The following GPC5 variants were observed in gnomAD, a reference collection of about 807,000 sequenced individuals.
The protein encoded by GPC5 is glypican-5.
A neutral mutation model predicts 53.9 loss-of-function variants in GPC5; 47 were observed. The ratio of observed to expected loss-of-function variants is 0.87; its 90% CI spans 0.69 to 1.11. The LOEUF (loss-of-function observed/expected upper bound fraction) is 1.11. Among genes scored for constraint, GPC5 ranks in the 50% most tolerant of loss-of-function variants. The probability of loss-of-function intolerance (pLI) is 0.00; values close to 1 mark genes in which losing one functional copy is unlikely to be tolerated. For synonymous variants in GPC5, 286 were observed against 263.3 expected, an observed-to-expected ratio of 1.09 and a Z score of -0.84; for missense variants, 748 against 713.1, an observed-to-expected ratio of 1.05 and a Z score of -0.56.
chr13:91,758,120 C>T (rs933641883), intron 5 of GPC5, among the ~76,000 whole-genome samples: 5 of 151,920 alleles, frequency 3.3e-5, no homozygotes, highest in Non-Finnish European at 7.4e-5. Context: ...GACTAGTGCT[C>T]TTTTTTCATT....
chr13:92,376,145 G>C (rs974343374), intron 7 of GPC5, among the ~76,000 whole-genome samples: 7 of 152,180 alleles, frequency 4.6e-5, no homozygotes, highest in African/African-American at 7.2e-5. Flanking sequence ...TGGAGTACTA[G>C]AGTTGAGCTG....
At chr13:92,528,336 G>GT (rs1409557499) in intron 7 of GPC5, among the ~76,000 whole-genome samples, 2 of 152,120 alleles carry the variant, frequency 1.3e-5, no homozygotes, top group African/African-American at 2.4e-5. Context: ...TTTGACTAAT[G>GT]TAAGTCATGC....
intron 7 of GPC5, among the ~76,000 whole-genome samples, chr13:92,740,355 TA>T (rs1889050900): frequency 6.6e-6 from 1 of 152,090 alleles, no homozygotes; most frequent in African/African-American, 2.4e-5. Flanking sequence ...AAATAAATAT[TA>T]AATAGCTGTT....
chr13:91,586,675 G>C (rs909278120), intron 2 of GPC5, among the ~76,000 whole-genome samples: 2 of 146,308 alleles, frequency 1.4e-5, no homozygotes, highest in African/African-American at 5.0e-5. Context: ...CTGCCCCCAT[G>C]ATCCAATCAC....
intron 5 of GPC5, among the ~76,000 whole-genome samples, chr13:91,767,686 C>T (rs2037550856): frequency 6.6e-6 from 1 of 152,140 alleles, no homozygotes; most frequent in African/African-American, 2.4e-5. Context: ...CAGTTTCTTG[C>T]CATGCTGACA....
intron 7 of GPC5, among the ~76,000 whole-genome samples, chr13:92,732,295 A>G (rs768633385): frequency 1.1e-4 from 17 of 151,572 alleles, no homozygotes; most frequent in Non-Finnish European, 2.4e-4. Flanking sequence ...CTATATATCC[A>G]TTATAAAATC....
At chr13:92,488,135 G>GT (rs771943457) in intron 7 of GPC5, among the ~76,000 whole-genome samples, 64 of 152,064 alleles carry the variant, frequency 4.2e-4, no homozygotes, top group Non-Finnish European at 6.9e-4. Context: ...GTGTGCGCGT[G>GT]TGTGTGTGTA....
intron 2 of GPC5, among the ~76,000 whole-genome samples, chr13:91,508,339 T>A (rs560126896): frequency 6.6e-6 from 1 of 152,300 alleles, no homozygotes; most frequent in African/African-American, 2.4e-5. Context: ...TGTGAAAACA[T>A]GTCTGGTAGA....
At chr13:91,602,982 A>C (rs957677965) in intron 2 of GPC5, among the ~76,000 whole-genome samples, 1 of 152,214 alleles carries the variant, frequency 6.6e-6, no homozygotes, top group Non-Finnish European at 1.5e-5. Context: ...ACCAATGTAC[A>C]TGAGGAATGA....
At chr13:91,423,270 T>A (rs890022237) in intron 1 of GPC5, among the ~76,000 whole-genome samples, 3 of 152,244 alleles carry the variant, frequency 2.0e-5, no homozygotes, top group Non-Finnish European at 2.9e-5. Flanking sequence ...AGGGCTCATG[T>A]CTCAGCTTTT....
At chr13:92,637,960 G>C (rs1445634601) in intron 7 of GPC5, among the ~76,000 whole-genome samples, 3 of 152,102 alleles carry the variant, frequency 2.0e-5, no homozygotes, top group Admixed American at 6.5e-5. Context: ...TCATGTCTTA[G>C]ATGAAAACTG....
chr13:91,467,906 A>G lies in GPC5; in HGVS notation c.325+18984A>G, dbSNP rs992561645. 7.2e-5 allele frequency among the ~76,000 whole-genome samples: 11 copies of G among 152,082 alleles called. 1 individual carries two copies. Among genetic ancestry groups the G allele is most frequent in the South Asian group, 6.2e-4 (3 of 4,832 alleles). On this transcript the variant is annotated intron_variant, in intron 2 of 7. Transcript: ENST00000377067. ...TTTTACTTTGCTTTTATTCTTTGAG[A>G]TTATCTAGACAGGTTTTGGTCAGGA... is the stretch of plus-strand genomic sequence containing the variant.
At chr13:92,140,689 C>T (rs544689633) in intron 6 of GPC5, among the ~76,000 whole-genome samples, 25 of 152,188 alleles carry the variant, frequency 1.6e-4, no homozygotes, top group African/African-American at 3.9e-4. Context: ...AAAAATGACA[C>T]GGTGAAAGTA....
At chr13:91,727,203 A>G (rs910804547) in intron 3 of GPC5, among the ~76,000 whole-genome samples, 1 of 152,168 alleles carries the variant, frequency 6.6e-6, no homozygotes, top group South Asian at 2.1e-4. Flanking sequence ...GGTATAACAG[A>G]TATTTATTTT....
At chr13:92,409,883 A>G (rs975205684) in intron 7 of GPC5, among the ~76,000 whole-genome samples, 1 of 152,192 alleles carries the variant, frequency 6.6e-6, no homozygotes, top group African/African-American at 2.4e-5. Flanking sequence ...GCCACAGAGC[A>G]ACTGTCAAGA....
At chr13:91,900,653 TA>T (rs566307859) in intron 5 of GPC5, among the ~76,000 whole-genome samples, 1 of 152,124 alleles carries the variant, frequency 6.6e-6, no homozygotes, top group African/African-American at 2.4e-5. Context: ...GCTTTGACTA[TA>T]AAAAACGTAT....
chr13:91,881,005 G>A (rs1026172472), intron 5 of GPC5, among the ~76,000 whole-genome samples: 5 of 152,066 alleles, frequency 3.3e-5, no homozygotes, highest in African/African-American at 1.2e-4. Context: ...TGGCAAGGCT[G>A]GTCTGGAACT....
chr13:91,999,241 C>T lies in GPC5; in HGVS notation c.1401+91184C>T, dbSNP rs116089006. On this transcript the variant is annotated intron_variant, in intron 6 of 7. Coordinates refer to ENST00000377067, the MANE Select transcript of GPC5 (RefSeq NM_004466.6). ...TTCTGTAATGCTATGAAACATACTC[C>T]AGTAAAGCTTAATGCAGGAAATTAT... 2.2e-3 allele frequency among the ~76,000 whole-genome samples: 338 copies of T among 152,054 alleles called. 4 individuals carry two copies. The highest frequency in any genetic ancestry group is 7.6e-3 in the African/African-American group (317 of 41,474).
chr13:92,827,042 A>G (rs1877873188), intron 7 of GPC5, among the ~76,000 whole-genome samples: 1 of 152,036 alleles, frequency 6.6e-6, no homozygotes, highest in South Asian at 2.1e-4. Context: ...ATTCTTTAAT[A>G]TTTTTCTTAA....
Sources: allele counts gnomAD v4.1 joint callset (sites outside exome capture counted in the v4.1 genomes callset), GRCh38; gene constraint gnomAD v4.1.1; transcripts MANE v1.5; gene names NCBI Gene and HGNC (gene_info 2026-07-23, HGNC 2026-07-21).